Variants in DENND1B observed in about 807,000 individuals in gnomAD.
DENND1B encodes the protein DENN domain containing 1B.
In DENND1B, 59 loss-of-function variants were observed where a neutral mutation model predicts 90.1. The observed-to-expected ratio is 0.65, with a 90% confidence interval of 0.53 to 0.81. DENND1B has a LOEUF of 0.81. Ranked by LOEUF, DENND1B falls within the 40% of genes least tolerant of loss-of-function variation. The pLI is 0.00. For missense variants in DENND1B, 862 were observed against 912.6 expected, an observed-to-expected ratio of 0.94 and a Z score of 0.71; for synonymous variants, 337 against 324.6, an observed-to-expected ratio of 1.04 and a Z score of -0.41.
chr1:197,619,615 T>C (rs1406125725), intron 10 of DENND1B, among the ~76,000 whole-genome samples: 2 of 151,180 alleles, frequency 1.3e-5, no homozygotes, highest in African/African-American at 2.4e-5. Flanking sequence ...TGAGGTATTA[T>C]ATTTAATACC....
At chr1:197,611,799 A>G (rs931322648) in intron 12 of DENND1B, 132 bp downstream of exon 12, 24 of 682,016 alleles carry the variant, frequency 3.5e-5, no homozygotes, top group Non-Finnish European at 5.6e-5. Flanking sequence ...TTTAAAAATG[A>G]TAAGCATACT....
chr1:197,673,936 A>G (rs763997213), intron 4 of DENND1B, among the ~76,000 whole-genome samples, 184 bp downstream of exon 4: 1 of 152,150 alleles, frequency 6.6e-6, no homozygotes, highest in African/African-American at 2.4e-5. Context: ...AAAATAAAAG[A>G]TGTGATTTAA....
intron 10 of DENND1B, among the ~76,000 whole-genome samples, chr1:197,621,669 T>A (rs926759496): frequency 6.6e-6 from 1 of 151,380 alleles, no homozygotes; most frequent in East Asian, 1.9e-4. Context: ...GACTCCACAT[T>A]GCTTTTCTAA....
chr1:197,607,019 C>G lies in DENND1B; in HGVS notation c.921+54G>C, dbSNP rs753781699. On this transcript the variant is annotated intron_variant, in intron 13 of 22. Coordinates refer to ENST00000620048, the MANE Select transcript of DENND1B (RefSeq NM_001195215.2). Reference sequence around the variant, plus strand: ...AAGTGGGAAAAATAACTTAGTAATTCAGAGGTCCAGGAGAAAACATATATG... The same window carrying G: ...AAGTGGGAAAAATAACTTAGTAATTGAGAGGTCCAGGAGAAAACATATATG... The G allele has an allele frequency of 5.2e-6, 7 of 1,334,278 alleles. No homozygotes were observed. In the Admixed American group the frequency reaches 9.2e-5, roughly 18 times the overall value. The allele number at this position is 1,334,278 out of a possible 1,614,324, so 82.7% of individuals were successfully genotyped here. A position where few individuals can be genotyped will look rare whatever the true frequency, so the allele number is the denominator to read the frequency against.
intron 2 of DENND1B, among the ~76,000 whole-genome samples, chr1:197,763,534 C>T (rs561391100): frequency 5.4e-4 from 82 of 152,296 alleles, no homozygotes; most frequent in African/African-American, 1.8e-3. Flanking sequence ...ATGCAACAAT[C>T]CCCTGCCAAG....
rs367867085 is a variant in DENND1B at position 197,645,706 on chromosome 1, G to A, written c.545C>T (p.Pro182Leu). 7 of 1,565,958 alleles carry A rather than the reference G, an allele frequency of 4.5e-6. No homozygotes were observed. Among genetic ancestry groups the A allele is most frequent in the Non-Finnish European group, 3.5e-6 (4 of 1,155,636 alleles). The change falls in exon 9 of 23, where the codon CCA becomes CTA. Residue 182 changes from proline to leucine, a missense_variant. Transcript: ENST00000620048. ...GAAACTTACACTCTCGGGTATTGTT[G>A]GGAGTCCAGTTACATCAGGGGCAAT... ...YFIAPDVTGL[P>L]TIPESRNLTE...
chr1:197,580,259 T>TA (rs142502027), intron 15 of DENND1B, among the ~76,000 whole-genome samples: 2 of 35,570 alleles, frequency 5.6e-5, no homozygotes, highest in Non-Finnish European at 1.7e-4. Context: ...GCCCAGCTAA[T>TA]TTTTTTTTTT....
intron 8 of DENND1B, 96 bp downstream of exon 8, chr1:197,646,959 C>A: frequency 1.1e-6 from 1 of 877,820 alleles, no homozygotes; most frequent in Non-Finnish European, 1.7e-6. Context: ...CACCATTTCC[C>A]AAAGGGCTGG....
chr1:197,579,574 C>T (rs1410720919), intron 15 of DENND1B, among the ~76,000 whole-genome samples: 1 of 152,050 alleles, frequency 6.6e-6, no homozygotes, highest in Non-Finnish European at 1.5e-5. Flanking sequence ...AGTGTATTTT[C>T]ATTGGTTCTG....
chr1:197,661,073 G>C lies in DENND1B; in HGVS notation c.297-2704C>G, dbSNP rs148666641. On this transcript the variant is annotated intron_variant, in intron 5 of 22. Transcript: ENST00000620048. Reference sequence around the variant, plus strand: ...TGGAAGCCTGGAAAAATCTGGACAGGTATGTGACACATCTGTGACAGTTTT... The same window carrying C: ...TGGAAGCCTGGAAAAATCTGGACAGCTATGTGACACATCTGTGACAGTTTT... Among the ~76,000 whole-genome samples, 619 of 151,918 alleles carry C rather than the reference G, an allele frequency of 4.1e-3. 16 individuals are homozygous for C. Among genetic ancestry groups the C allele is most frequent in the Non-Finnish European group, 5.1e-3 (344 of 67,922 alleles).
At chr1:197,758,907 T>G (rs943723270) in intron 2 of DENND1B, among the ~76,000 whole-genome samples, 1 of 150,620 alleles carries the variant, frequency 6.6e-6, no homozygotes, top group Non-Finnish European at 1.5e-5. Flanking sequence ...AAAGGCACAC[T>G]AATTAGAATA....
chr1:197,595,551 GCT>G (rs1181744847), intron 13 of DENND1B, among the ~76,000 whole-genome samples: 1 of 152,002 alleles, frequency 6.6e-6, no homozygotes, highest in Non-Finnish European at 1.5e-5. Flanking sequence ...ATTGGTTTAT[GCT>G]CTCTTTTTTT....
chr1:197,699,237 G>T (rs1658770474), intron 3 of DENND1B, among the ~76,000 whole-genome samples: 2 of 152,236 alleles, frequency 1.3e-5, no homozygotes, highest in Middle Eastern at 6.8e-3. Context: ...TCATCCCTGG[G>T]ATGCAAGGCT....
intron 19 of DENND1B, among the ~76,000 whole-genome samples, chr1:197,540,440 T>C (rs1670252724): frequency 6.6e-6 from 1 of 152,032 alleles, no homozygotes; most frequent in Admixed American, 6.5e-5. Flanking sequence ...TAACTGATAA[T>C]AAAATCTGTG....
intron 2 of DENND1B, among the ~76,000 whole-genome samples, chr1:197,726,215 GA>G (rs1451067762): frequency 6.6e-6 from 1 of 152,070 alleles, no homozygotes; most frequent in Non-Finnish European, 1.5e-5. Flanking sequence ...GGTGTTTTAT[GA>G]ACCTGACGTG....
At chr1:197,553,484 T>A (rs1053717189) in intron 15 of DENND1B, among the ~76,000 whole-genome samples, 7 of 152,098 alleles carry the variant, frequency 4.6e-5, no homozygotes, top group Admixed American at 3.9e-4. Flanking sequence ...GCCAAGCCAT[T>A]TACCCATGGG....
At chr1:197,622,738 T>C (rs1214733482) in intron 10 of DENND1B, among the ~76,000 whole-genome samples, 1 of 151,506 alleles carries the variant, frequency 6.6e-6, no homozygotes, top group East Asian at 1.9e-4. Context: ...TCTCAACTTA[T>C]GTCTATGAGT....
Position 197,775,390 on chromosome 1 carries a change from G to C in DENND1B, c.-235C>G, listed in dbSNP as rs1657194249. ...TGACAGCAGCGGTGGCGTGGCCGCC[G>C]CCCCCGTCTCCGCCGGTAGCCGCCA... On this transcript the variant is annotated 5_prime_UTR_variant, in exon 1 of 23. Transcript: ENST00000620048. 1 of 334,010 alleles carries C rather than the reference G, an allele frequency of 3.0e-6. No individual in the cohort carries two copies. Among genetic ancestry groups the C allele is most frequent in the Admixed American group, 4.9e-5 (1 of 20,456 alleles). 20.7% of individuals were successfully genotyped at this position (334,010 alleles called of 1,614,324 possible).
intron 2 of DENND1B, chr1:197,734,628 C>A (rs1662465569): frequency 1.0e-6 from 1 of 982,464 alleles, no homozygotes; most frequent in Non-Finnish European, 1.2e-6. Flanking sequence ...AAAAAAAAAA[C>A]TTTGCAAAAT....
Sources: gnomAD v4.1 joint callset for allele counts (sites outside exome capture counted in the v4.1 genomes callset) on GRCh38, gnomAD v4.1.1 for gene constraint, MANE v1.5 for transcripts, NCBI Gene and HGNC (gene_info 2026-07-23, HGNC 2026-07-21) for gene names.